Variants in RAP1GAP2 observed in about 807,000 individuals in gnomAD.
RAP1GAP2 encodes RAP1 GTPase activating protein 2.
RAP1GAP2 carries 27 observed loss-of-function variants against 95.0 expected under a neutral mutation model. That is an observed-to-expected ratio of 0.28 (90% CI 0.21 to 0.39). The LOEUF is 0.39. RAP1GAP2 is among the 10% of genes least tolerant of loss of function. The probability of loss-of-function intolerance (pLI) is 1.00; values close to 1 mark genes in which losing one functional copy is unlikely to be tolerated. For missense variants in RAP1GAP2, 771 were observed against 970.0 expected (o/e 0.79, Z 2.72); for synonymous variants, 373 against 380.9 (o/e 0.98, Z 0.24).
At position 3,032,316 on chromosome 17, in the gene RAP1GAP2, A is replaced by T. The variant is rs4261584; in HGVS notation, c.2185-95A>T. ...GGGTCCTGAATCCCTTCCTGAGCTC[A>T]CCAGACTGTTGAGAGCTGAGTGCAC... On this transcript the variant is annotated intron_variant, in intron 23 of 24. Transcript: ENST00000254695. The T allele has an allele frequency of 0.024, 33,511 of 1,420,908 alleles. 618 individuals carry two copies. Among genetic ancestry groups the T allele is most frequent in the Non-Finnish European group, 0.028 (28,254 of 1,009,564 alleles). 88.0% of individuals were successfully genotyped at this position (1,420,908 alleles called of 1,614,324 possible).
intron 1 of RAP1GAP2, among the ~76,000 whole-genome samples, chr17:2,762,339 G>A (rs8079128): frequency 0.38 from 57,298 of 149,564 alleles, 11,443 homozygotes; most frequent in East Asian, 0.53. Flanking sequence ...CTTTGCCCAT[G>A]TTTAAATTGT....
chr17:2,873,951 G>T (rs189600780), intron 2 of RAP1GAP2, among the ~76,000 whole-genome samples: 1 of 151,212 alleles, frequency 6.6e-6, no homozygotes, highest in South Asian at 2.1e-4. Context: ...TGGTAGAGAC[G>T]CGGTGGGGGG....
chr17:2,790,863 C>G (rs182195928), intron 1 of RAP1GAP2, among the ~76,000 whole-genome samples: 2 of 152,354 alleles, frequency 1.3e-5, no homozygotes, highest in Non-Finnish European at 2.9e-5. Context: ...CTGCCCCCTC[C>G]TCTGAGCCCA....
chr17:2,852,101 A>G (rs2071877699), intron 2 of RAP1GAP2, among the ~76,000 whole-genome samples: 1 of 152,092 alleles, frequency 6.6e-6, no homozygotes, highest in South Asian at 2.1e-4. Flanking sequence ...GGTGGGAGAG[A>G]GGGGAAGAGA....
In RAP1GAP2 at chr17:2,796,811, G is replaced by A. The variant is rs178566; in HGVS notation, c.44+240G>A. On this transcript the variant is annotated intron_variant, in intron 1 of 24. Transcript: ENST00000254695. This position sits in a 1 kb window ranked among gnomAD's most constrained non-coding sequence, Gnocchi z 4.7. ...TCCTGGAGGTCTGCGCCGGCTGCCC[G>A]TGGGGAGGTGGATAGCATGAGTGTG... is the stretch of plus-strand genomic sequence containing the variant. 1.6e-4 allele frequency among the ~76,000 whole-genome samples: 25 copies of A among 152,026 alleles called. No individual in the cohort carries two copies. Among genetic ancestry groups the A allele is most frequent in the African/African-American group, 4.3e-4 (18 of 41,488 alleles).
At position 3,008,967 on chromosome 17, in the gene RAP1GAP2, G is replaced by T. The variant is rs184063291; in HGVS notation, c.1494+822G>T. On this transcript the variant is annotated intron_variant, in intron 17 of 24. Coordinates refer to ENST00000254695, the MANE Select transcript of RAP1GAP2 (RefSeq NM_015085.5). The surrounding 1 kb of genome is among the most constrained non-coding windows in gnomAD (Gnocchi z 4.2). ...GCAGAGTTAGAGCCTCATTTCAAAC[G>T]CAGGTCTTCTGATTCTTAGGTCCGT... Among the ~76,000 whole-genome samples, 2 of 152,124 alleles carry T rather than the reference G, an allele frequency of 1.3e-5. No homozygotes were observed. Among genetic ancestry groups the T allele is most frequent in the Non-Finnish European group, 2.9e-5 (2 of 68,034 alleles).
At chr17:2,957,459 G>A (rs2044158747) in intron 3 of RAP1GAP2, among the ~76,000 whole-genome samples, 1 of 152,254 alleles carries the variant, frequency 6.6e-6, no homozygotes, top group Non-Finnish European at 1.5e-5. Flanking sequence ...GGCGTTTGCA[G>A]AATTTGGCTC....
At chr17:2,917,442 A>T (rs1281353394) in intron 3 of RAP1GAP2, among the ~76,000 whole-genome samples, 2 of 151,278 alleles carry the variant, frequency 1.3e-5, no homozygotes, top group Non-Finnish European at 2.9e-5. Flanking sequence ...AGCTAATTTT[A>T]TATTTTTAGT....
At chr17:2,842,529 C>CAAA (rs34473053) in intron 2 of RAP1GAP2, among the ~76,000 whole-genome samples, 11 of 78,056 alleles carry the variant, frequency 1.4e-4, no homozygotes, top group East Asian at 3.8e-4. Context: ...GATTCCGTCT[C>CAAA]AAAAAAAAAA....
At chr17:2,765,975 A>G (rs930745797) in intron 1 of RAP1GAP2, among the ~76,000 whole-genome samples, 4 of 152,084 alleles carry the variant, frequency 2.6e-5, no homozygotes, top group African/African-American at 9.7e-5. Flanking sequence ...TCTCCAAACA[A>G]ACAAACAAAC....
At chr17:2,996,914 G>C (rs2045978103) in intron 13 of RAP1GAP2, among the ~76,000 whole-genome samples, 1 of 152,174 alleles carries the variant, frequency 6.6e-6, no homozygotes, top group South Asian at 2.1e-4. Context: ...GCATGCAGTG[G>C]GTGCTTAACA....
chr17:3,026,894 C>T (rs758073993), intron 21 of RAP1GAP2, 50 bp from the exon 22 acceptor site: 5 of 1,530,988 alleles, frequency 3.3e-6, no homozygotes, highest in Admixed American at 2.0e-5. Context: ...CCTGCGTGGG[C>T]GCAGCTGCCG....
intron 2 of RAP1GAP2, among the ~76,000 whole-genome samples, chr17:2,862,874 G>T (rs1312785527): frequency 6.6e-6 from 1 of 151,800 alleles, no homozygotes; most frequent in African/African-American, 2.4e-5. Context: ...GCGTGCGCCT[G>T]TAATCTCAAC....
At chr17:2,878,724 C>T (rs1345387417) in intron 2 of RAP1GAP2, among the ~76,000 whole-genome samples, 1 of 152,234 alleles carries the variant, frequency 6.6e-6, no homozygotes, top group African/African-American at 2.4e-5. Flanking sequence ...CTCTCTGCTT[C>T]TGATGCACCT....
intron 2 of RAP1GAP2, among the ~76,000 whole-genome samples, chr17:2,822,262 G>C (rs888913448): frequency 1.3e-5 from 2 of 152,098 alleles, no homozygotes; most frequent in Non-Finnish European, 2.9e-5. Context: ...CCTCATTCAT[G>C]CTCAGAAACA....
chr17:2,878,929 G>A (rs2073190352), intron 2 of RAP1GAP2, among the ~76,000 whole-genome samples: 1 of 152,202 alleles, frequency 6.6e-6, no homozygotes, highest in African/African-American at 2.4e-5. Context: ...CTCTTCCCGT[G>A]ACGGTTGTGA....
At chr17:2,997,969 C>G (rs989643371) in intron 13 of RAP1GAP2, among the ~76,000 whole-genome samples, 1 of 151,896 alleles carries the variant, frequency 6.6e-6, no homozygotes, top group Non-Finnish European at 1.5e-5. Context: ...AAGAACCCCC[C>G]TGGTTTTCCC....
intron 2 of RAP1GAP2, among the ~76,000 whole-genome samples, chr17:2,803,211 C>A (rs2069373211): frequency 6.6e-6 from 1 of 152,150 alleles, no homozygotes. Flanking sequence ...GAGATTGGGA[C>A]CCCAGTGAGG....
intron 17 of RAP1GAP2, among the ~76,000 whole-genome samples, chr17:3,009,208 C>T (rs1043974191): frequency 2.0e-5 from 3 of 152,080 alleles, no homozygotes; most frequent in Admixed American, 6.6e-5. Context: ...AGCCATTGTG[C>T]GAGTTCATTG....
Sources: gnomAD v4.1 joint callset for allele counts (sites outside exome capture counted in the v4.1 genomes callset) on GRCh38, gnomAD v4.1.1 for gene constraint, Gnocchi (gnomAD v3.1) non-coding constraint, MANE v1.5 for transcripts, NCBI Gene and HGNC (gene_info 2026-07-23, HGNC 2026-07-21) for gene names.